Variants in METTL15 observed in about 807,000 individuals in gnomAD.
METTL15 encodes the protein methyltransferase 15, mitochondrial 12S rRNA N4-cytidine.
In METTL15, 34 loss-of-function variants were observed where a neutral mutation model predicts 38.3. The ratio of observed to expected loss-of-function variants is 0.89; its 90% CI spans 0.68 to 1.18. METTL15 has a LOEUF of 1.18. Ranked by LOEUF, METTL15 falls within the 50% of genes most tolerant of loss-of-function variation. The pLI is 0.00. For synonymous variants in METTL15, 162 were observed against 170.9 expected, an observed-to-expected ratio of 0.95 and a Z score of 0.41; for missense variants, 438 against 498.4, an observed-to-expected ratio of 0.88 and a Z score of 1.15.
intron 4 of METTL15, among the ~76,000 whole-genome samples, chr11:28,360,869 T>C (rs1850132046): frequency 7.0e-6 from 1 of 142,156 alleles, no homozygotes; most frequent in Non-Finnish European, 1.5e-5. Flanking sequence ...CCATGTGTTC[T>C]CATTGTTCAA....
chr11:28,212,314 A>T (rs934062039), intron 4 of METTL15, among the ~76,000 whole-genome samples: 7 of 152,110 alleles, frequency 4.6e-5, no homozygotes, highest in Non-Finnish European at 1.0e-4. Context: ...TAATATGAAG[A>T]CGTGATTTAA....
At chr11:28,358,874 A>G (rs192524884) in intron 4 of METTL15, among the ~76,000 whole-genome samples, 206 of 152,346 alleles carry the variant, frequency 1.4e-3, no homozygotes, top group Non-Finnish European at 2.2e-3. Flanking sequence ...TGTTAGGGTC[A>G]CAGAGAAAAT....
chr11:28,192,340 T>C (rs1851727887), intron 3 of METTL15, among the ~76,000 whole-genome samples: 1 of 151,924 alleles, frequency 6.6e-6, no homozygotes, highest in Admixed American at 6.6e-5. Context: ...ATAGTTGATT[T>C]TGAATGTTGA....
At chr11:28,522,972 G>A (rs1298414807) in intron 6 of METTL15, among the ~76,000 whole-genome samples, 2 of 152,134 alleles carry the variant, frequency 1.3e-5, no homozygotes, top group Non-Finnish European at 2.9e-5. Context: ...ACTTTGCGAG[G>A]TTCAGAAAAC....
intron 3 of METTL15, among the ~76,000 whole-genome samples, chr11:28,117,293 ATATATATG>A (rs1852017652): frequency 8.0e-6 from 1 of 124,798 alleles, no homozygotes; most frequent in African/African-American, 2.9e-5. Context: ...ATATATATAT[ATATATATG>A]AAAGGATAGG....
At chr11:28,487,100 T>A (rs142346524) in intron 6 of METTL15, among the ~76,000 whole-genome samples, 1 of 152,320 alleles carries the variant, frequency 6.6e-6, no homozygotes, top group East Asian at 1.9e-4. Context: ...CAGTGAAATC[T>A]CATTACATTT....
At chr11:28,428,957 T>C (rs1295071641) in intron 6 of METTL15, among the ~76,000 whole-genome samples, 1 of 152,146 alleles carries the variant, frequency 6.6e-6, no homozygotes, top group East Asian at 1.9e-4. Context: ...CACCTATTCA[T>C]ATTACCTTTA....
Position 28,363,076 on chromosome 11 carries a change from C to T in METTL15, c.*358+1040C>T, listed in dbSNP as rs368597086. 3.6e-4 allele frequency among the ~76,000 whole-genome samples: 55 copies of T among 152,250 alleles called. 1 individual carries two copies. In the East Asian group the frequency reaches 5.8e-3, roughly 16 times the overall value. On this transcript the variant is annotated intron_variant and NMD_transcript_variant, in intron 5 of 7. Transcript: ENST00000532947. Reference sequence around the variant, plus strand: ...TGACTGATGTGAGATAGTATATAATCGTGATTTTATTTCCAGCTCTCTGAT... The same window carrying T: ...TGACTGATGTGAGATAGTATATAATTGTGATTTTATTTCCAGCTCTCTGAT...
At chr11:28,476,054 C>G (rs1168096974) in intron 6 of METTL15, among the ~76,000 whole-genome samples, 1 of 152,186 alleles carries the variant, frequency 6.6e-6, no homozygotes, top group Non-Finnish European at 1.5e-5. Context: ...CTGTTTGCTT[C>G]CGCAGAACCA....
intron 6 of METTL15, among the ~76,000 whole-genome samples, chr11:28,425,669 C>T (rs992097085): frequency 2.0e-5 from 3 of 152,112 alleles, no homozygotes; most frequent in African/African-American, 4.8e-5. Flanking sequence ...CCTATCAGAG[C>T]GTTGTAGTAA....
intron 6 of METTL15, among the ~76,000 whole-genome samples, chr11:28,501,945 A>G (rs1022620546): frequency 1.2e-4 from 18 of 152,142 alleles, no homozygotes; most frequent in African/African-American, 4.3e-4. Flanking sequence ...TAAAAATACA[A>G]AACAAGTTAG....
intron 4 of METTL15, among the ~76,000 whole-genome samples, chr11:28,285,326 A>G (rs1856211141): frequency 2.0e-5 from 3 of 151,970 alleles, no homozygotes; most frequent in African/African-American, 7.2e-5. Flanking sequence ...AATGTGGCCC[A>G]ACACAAATTT....
intron 3 of METTL15, among the ~76,000 whole-genome samples, chr11:28,128,147 A>G (rs1852573393): frequency 6.6e-6 from 1 of 152,112 alleles, no homozygotes; most frequent in South Asian, 2.1e-4. Context: ...GGGCATTTTC[A>G]TATGGCAACC....
intron 3 of METTL15, among the ~76,000 whole-genome samples, chr11:28,350,535 C>T (rs1285274893): frequency 6.6e-6 from 1 of 152,106 alleles, no homozygotes; most frequent in Non-Finnish European, 1.5e-5. Context: ...AAGTTATAAA[C>T]AAAATTACTT....
chr11:28,302,690 T>C (rs1382901904), intron 6 of METTL15, among the ~76,000 whole-genome samples: 1 of 152,176 alleles, frequency 6.6e-6, no homozygotes, highest in Non-Finnish European at 1.5e-5. Context: ...GGTATGTCTT[T>C]ATCAGCAGCA....
downstream of METTL15, among the ~76,000 whole-genome samples, chr11:28,337,760 C>A (rs1222668200): frequency 6.6e-6 from 1 of 152,092 alleles, no homozygotes; most frequent in Non-Finnish European, 1.5e-5. Flanking sequence ...CAATTGCCTA[C>A]ATTATCAATA....
At chr11:28,346,325 G>A (rs533348766) in intron 3 of METTL15, among the ~76,000 whole-genome samples, 2 of 152,244 alleles carry the variant, frequency 1.3e-5, no homozygotes, top group Admixed American at 1.3e-4. Context: ...TGTTCCCAGT[G>A]CTAGCAGTTA....
At position 28,330,756 on chromosome 11, in the gene METTL15, A is replaced by G. The variant is rs777504342; in HGVS notation, c.1139A>G (p.Lys380Arg). 8.4e-5 allele frequency: 131 copies of G among 1,551,702 alleles called. No individual in the cohort carries two copies. Among genetic ancestry groups the G allele is most frequent in the Non-Finnish European group, 1.1e-4 (127 of 1,146,890 alleles). The change falls in exon 7 of 7, where the codon AAG (lysine) becomes AGG (arginine). Residue 380 changes from lysine (K) to arginine (R), a missense_variant. Lys to Arg is a conservative substitution (Grantham distance 26). Transcript: ENST00000407364. ...RAPLMWELIH[K>R]KVLSPQDQDV... ...CCTTTAATGTGGGAATTGATACACAAGAAGGTACTTAGTCCACAAGATCAG... is the reference window on the plus strand; with the variant it reads ...CCTTTAATGTGGGAATTGATACACAGGAAGGTACTTAGTCCACAAGATCAG...
chr11:28,312,829 A>G (rs1857351488), intron 6 of METTL15, among the ~76,000 whole-genome samples: 1 of 151,586 alleles, frequency 6.6e-6, no homozygotes, highest in Admixed American at 6.6e-5. Context: ...AAACTAACCC[A>G]CTCCTGAGAT....
Sources: gnomAD v4.1 joint callset for allele counts (sites outside exome capture counted in the v4.1 genomes callset) on GRCh38, gnomAD v4.1.1 for gene constraint, MANE v1.5 for transcripts, NCBI Gene and HGNC (gene_info 2026-07-23, HGNC 2026-07-21) for gene names.